Variants in SIK3 observed in about 807,000 individuals in gnomAD.
SIK3 encodes serine/threonine-protein kinase SIK3.
SIK3 carries 28 observed loss-of-function variants against 144.2 expected under a neutral mutation model. The ratio of observed to expected loss-of-function variants is 0.19; its 90% CI spans 0.14 to 0.27. SIK3 has a LOEUF of 0.27. Ranked by LOEUF, SIK3 falls within the 10% of genes least tolerant of loss-of-function variation. The pLI, the probability that SIK3 is intolerant of heterozygous loss-of-function variation, is 1.00. For synonymous variants in SIK3, 686 were observed against 676.3 expected (o/e 1.01, Z -0.22); for missense variants, 1,319 against 1,776.0 (o/e 0.74, Z 4.62).
At chr11:116,988,963 A>C (rs888793246) in intron 1 of SIK3, among the ~76,000 whole-genome samples, 4 of 151,876 alleles carry the variant, frequency 2.6e-5, no homozygotes, top group East Asian at 1.9e-4. Flanking sequence ...ACAAAAAAAA[A>C]CCCTCAAGTC....
At chr11:117,032,708 A>C (rs1434327081) in intron 1 of SIK3, among the ~76,000 whole-genome samples, 3 of 149,278 alleles carry the variant, frequency 2.0e-5, no homozygotes, top group Admixed American at 6.7e-5. Flanking sequence ...ATGGGTTCTC[A>C]CTATGTTGCC....
intron 3 of SIK3, among the ~76,000 whole-genome samples, chr11:116,938,577 GGAGGGGAGGA>G (rs1565475835): frequency 1.5e-3 from 21 of 13,890 alleles, no homozygotes; most frequent in South Asian, 4.2e-3. Context: ...GGAGGGGAGG[GGAGGGGAGGA>G]GAGGAGAGGG....
chr11:116,895,357 C>T (rs1028600441), intron 6 of SIK3, among the ~76,000 whole-genome samples: 6 of 152,188 alleles, frequency 3.9e-5, no homozygotes, highest in African/African-American at 1.4e-4. Flanking sequence ...TTTCATGTAA[C>T]TTACCAACCA....
intron 1 of SIK3, among the ~76,000 whole-genome samples, chr11:117,023,808 C>A (rs1951898015): frequency 6.6e-6 from 1 of 151,498 alleles, no homozygotes; most frequent in African/African-American, 2.4e-5. Flanking sequence ...TCTCAAGTAG[C>A]TGGGATTACA....
At chr11:117,064,727 T>C (rs1193125034) in intron 1 of SIK3, among the ~76,000 whole-genome samples, 1 of 152,224 alleles carries the variant, frequency 6.6e-6, no homozygotes, top group African/African-American at 2.4e-5. Context: ...AATTAGTAGC[T>C]AAATGGCTTA....
intron 18 of SIK3, 78 bp from the exon 19 acceptor site, chr11:116,861,461 A>G (rs112937217): frequency 2.1e-5 from 23 of 1,078,000 alleles, no homozygotes; most frequent in Admixed American, 1.0e-4. Context: ...CATACAACAT[A>G]TATCAGTGGA....
chr11:116,975,020 A>C (rs1425134554), intron 1 of SIK3, among the ~76,000 whole-genome samples: 1 of 152,014 alleles, frequency 6.6e-6, no homozygotes, highest in Non-Finnish European at 1.5e-5. Flanking sequence ...TAATCTGTTG[A>C]TCTTCTGTTA....
At chr11:117,047,697 A>C (rs1044460500) in intron 1 of SIK3, among the ~76,000 whole-genome samples, 9 of 152,166 alleles carry the variant, frequency 5.9e-5, no homozygotes, top group South Asian at 2.1e-4. Flanking sequence ...TAATCCCAGC[A>C]CTTCGGAGGC....
chr11:117,098,003 G>A (rs1261499414), intron 1 of SIK3, 140 bp downstream of exon 1: 2 of 1,116,070 alleles, frequency 1.8e-6, no homozygotes, highest in Admixed American at 4.9e-5. Context: ...CCGCCCCGCC[G>A]CGGCTGGCTC....
chr11:116,949,592 C>G (rs1460856525), intron 3 of SIK3, among the ~76,000 whole-genome samples: 1 of 152,200 alleles, frequency 6.6e-6, no homozygotes, highest in Non-Finnish European at 1.5e-5. Context: ...GAGCCATCCT[C>G]CTGCCTGAAT....
At position 116,875,400 on chromosome 11, in the gene SIK3, T is replaced by G. The variant is rs761150960; in HGVS notation, c.1291A>C (p.Ile431Leu). 2.5e-6 allele frequency: 4 copies of G among 1,614,220 alleles called. No homozygotes were observed. In the African/African-American group the frequency reaches 5.3e-5, roughly 22 times the overall value. ...MNISVPQVQLINPENQIVEPD... is the reference protein window; with the variant it reads ...MNISVPQVQLLNPENQIVEPD... ...TCCACAATTTGGTTCTCTGGGTTGA[T>G]CAGCTGCACCTGGGGAACGCTGATG... The change falls in exon 10 of 25, where the codon ATC becomes CTC. Residue 431 changes from isoleucine to leucine, a missense_variant. Around this residue, in one of 8 missense-constraint regions of SIK3, gnomAD observed 167 missense variants for 263.3 expected, o/e 0.63. Transcript: ENST00000445177.
chr11:117,081,338 T>C, intron 1 of SIK3, among the ~76,000 whole-genome samples: 1 of 152,162 alleles, frequency 6.6e-6, no homozygotes, highest in Non-Finnish European at 1.5e-5. Context: ...TCTTTGAGGC[T>C]AGAGGCCGGG....
At chr11:116,907,601 T>A (rs934394627) in intron 4 of SIK3, among the ~76,000 whole-genome samples, 1 of 152,038 alleles carries the variant, frequency 6.6e-6, no homozygotes, top group Non-Finnish European at 1.5e-5. Flanking sequence ...AGAGTCGAAA[T>A]TGCACCCTGC....
Position 116,861,900 on chromosome 11 carries a change from A to G in SIK3, c.2256T>C (p.Ser752=), listed in dbSNP as rs979717700. The change falls in exon 18 of 25, where the codon TCT becomes TCC. Residue 752 remains serine (S), a synonymous_variant. Transcript: ENST00000445177. ...IQDSICPPQP[S]PPLQAACENQ... ...TTTCACATGCAGCCTGAAGAGGTGG[A>G]GATGGCTGAGGAGGACAGATAGAGT... 1.2e-6 allele frequency: 2 copies of G among 1,611,648 alleles called. No individual in the cohort carries two copies. Among genetic ancestry groups the G allele is most frequent in the Non-Finnish European group, 1.7e-6 (2 of 1,179,062 alleles).
At chr11:116,863,479 T>C (rs561170495) in intron 16 of SIK3, among the ~76,000 whole-genome samples, 189 bp downstream of exon 16, 82 of 152,326 alleles carry the variant, frequency 5.4e-4, no homozygotes, top group South Asian at 1.0e-3. Flanking sequence ...TCCTCCCACG[T>C]TGGCCTCCCA....
At chr11:117,078,414 CT>C (rs752116300) in intron 1 of SIK3, among the ~76,000 whole-genome samples, 2,100 of 131,456 alleles carry the variant, frequency 0.016, 16 homozygotes, top group African/African-American at 0.052. Flanking sequence ...TGCATAACAC[CT>C]TTTTTTTTTT....
intron 1 of SIK3, among the ~76,000 whole-genome samples, chr11:117,087,089 GT>G (rs966504425): frequency 2.5e-4 from 38 of 151,912 alleles, no homozygotes; most frequent in Admixed American, 1.1e-3. Flanking sequence ...TCCAGTTTGG[GT>G]TTTTGTCCCT....
At chr11:117,003,294 C>T (rs1186114932) in intron 1 of SIK3, among the ~76,000 whole-genome samples, 1 of 152,170 alleles carries the variant, frequency 6.6e-6, no homozygotes, top group African/African-American at 2.4e-5. Context: ...TTCAAGAAGC[C>T]TTTAGTAAAT....
chr11:117,041,096 T>C (rs934390344), intron 1 of SIK3, among the ~76,000 whole-genome samples: 1 of 152,086 alleles, frequency 6.6e-6, no homozygotes, highest in African/African-American at 2.4e-5. Flanking sequence ...GTATTAATAT[T>C]GCTCAAAGTG....
Sources: gnomAD v4.1 joint callset for allele counts (sites outside exome capture counted in the v4.1 genomes callset) on GRCh38, gnomAD v4.1.1 for gene constraint, gnomAD v4.1.1 regional missense constraint, MANE v1.5 for transcripts, NCBI Gene and HGNC (gene_info 2026-07-23, HGNC 2026-07-21) for gene names.